The following PACS2 variants were observed in gnomAD, a reference collection of about 807,000 sequenced individuals.
PACS2 encodes the protein phosphofurin acidic cluster sorting protein 2.
In PACS2, 36 loss-of-function variants were observed where a neutral mutation model predicts 113.0. That is an observed-to-expected ratio of 0.32 (90% CI 0.24 to 0.42). The LOEUF (loss-of-function observed/expected upper bound fraction) is 0.42, where lower values mean the gene tolerates loss of function less well. Ranked by LOEUF, PACS2 falls within the 10% of genes least tolerant of loss-of-function variation. PACS2 has a pLI of 1.00. For synonymous variants in PACS2, 589 were observed against 536.1 expected (o/e 1.10, Z -1.36); for missense variants, 1,015 against 1,239.5 (o/e 0.82, Z 2.72).
intron 20 of PACS2, chr14:105,390,563 C>T (rs1227059847): frequency 1.2e-5 from 2 of 169,918 alleles, no homozygotes; most frequent in African/African-American, 4.8e-5. Context: ...GAGACAGACC[C>T]ACAGGGCCTG....
chr14:105,311,842 CTCAGCCTCA>C (rs1015492139), upstream of PACS2, among the ~76,000 whole-genome samples: 3 of 152,240 alleles, frequency 2.0e-5, no homozygotes, highest in African/African-American at 7.2e-5. Flanking sequence ...ACCATTCCTC[CTCAGCCTCA>C]GTCATGGCCA....
At chr14:105,311,804 A>G (rs1331742875), upstream of PACS2, among the ~76,000 whole-genome samples, 1 of 152,166 alleles carries the variant, frequency 6.6e-6, no homozygotes, top group African/African-American at 2.4e-5. Flanking sequence ...TGCCTCCAGG[A>G]GGAGGGCCCT....
intron 1 of PACS2, among the ~76,000 whole-genome samples, chr14:105,343,283 G>A (rs782245613): frequency 7.9e-5 from 12 of 152,202 alleles, no homozygotes; most frequent in Non-Finnish European, 1.6e-4. Flanking sequence ...GAAGGACATC[G>A]GGGTTTCCAG....
rs587723561 is a variant in PACS2 at position 105,392,935 on chromosome 14, C to T, written c.2482+90C>T. ...CGCAGTCAACAGGGATGACAGCCCC[C>T]GGGCTGGCCTCGGGCAGCCCACATG... On this transcript the variant is annotated intron_variant, in intron 23 of 24. Transcript: ENST00000447393. The T allele has an allele frequency of 3.8e-5, 41 of 1,075,574 alleles. No individual in the cohort carries two copies. In the East Asian group the frequency reaches 4.4e-4, roughly 11 times the overall value. The allele number at this position is 1,075,574 out of a possible 1,614,324, so 66.6% of individuals were successfully genotyped here.
At position 105,376,669 on chromosome 14, in the gene PACS2, C is replaced by T. The variant is rs1426028069; in HGVS notation, c.802-99C>T. 2.3e-5 allele frequency: 27 copies of T among 1,150,566 alleles called. No homozygotes were observed. The highest frequency in any genetic ancestry group is 2.9e-5 in the South Asian group (2 of 68,990). 71.3% of individuals were successfully genotyped at this position (1,150,566 alleles called of 1,614,324 possible). A position where few individuals can be genotyped will look rare whatever the true frequency, so the allele number is the denominator to read the frequency against. On this transcript the variant is annotated intron_variant, in intron 8 of 24. Coordinates refer to ENST00000447393, the MANE Select transcript of PACS2 (RefSeq NM_001100913.3). The surrounding 1 kb of genome is among the most constrained non-coding windows in gnomAD (Gnocchi z 4.7). Reference sequence around the variant, plus strand: ...TGGAGGGGTTTGGTGGCTGGGTGCCCGCCTCCTATTGCTCCTGCAGACTCT... The same window carrying T: ...TGGAGGGGTTTGGTGGCTGGGTGCCTGCCTCCTATTGCTCCTGCAGACTCT...
intron 1 of PACS2, among the ~76,000 whole-genome samples, chr14:105,331,843 C>T (rs958779280): frequency 6.6e-6 from 1 of 152,212 alleles, no homozygotes; most frequent in Non-Finnish European, 1.5e-5. Context: ...GAAGCTCTTT[C>T]AGTCTTTCAG....
intron 18 of PACS2, among the ~76,000 whole-genome samples, chr14:105,385,436 C>T (rs1273090795): frequency 2.0e-5 from 3 of 152,164 alleles, no homozygotes; most frequent in East Asian, 1.9e-4. Context: ...AGCCCCCGGC[C>T]GAAAGTCCTG....
At chr14:105,361,268 C>T (rs1465871522) in intron 4 of PACS2, among the ~76,000 whole-genome samples, 5 of 152,082 alleles carry the variant, frequency 3.3e-5, no homozygotes, top group South Asian at 2.1e-4. Flanking sequence ...CCAAGGTGGG[C>T]GGATCATTTG....
At chr14:105,307,144 A>G (rs1458389965) in intron 1 of PACS2, among the ~76,000 whole-genome samples, 1 of 151,556 alleles carries the variant, frequency 6.6e-6, no homozygotes, top group Non-Finnish European at 1.5e-5. Flanking sequence ...TGCTGGGCTC[A>G]AGAGATCCTT....
intron 13 of PACS2, 45 bp from the exon 14 acceptor site, chr14:105,382,432 C>T (rs782609548): frequency 2.8e-5 from 32 of 1,146,672 alleles, no homozygotes; most frequent in Non-Finnish European, 3.4e-5. Flanking sequence ...TGGGGATGGG[C>T]GCTGTGCTTC....
At chr14:105,327,470 G>A (rs2059159555) in intron 1 of PACS2, among the ~76,000 whole-genome samples, 2 of 152,338 alleles carry the variant, frequency 1.3e-5, no homozygotes, top group South Asian at 4.1e-4. Context: ...GGGCTGGGGT[G>A]GAGTTGTTCT....
rs2059282629 is a variant in PACS2 at position 105,330,855 on chromosome 14, T to A, written c.119+15818T>A. On this transcript the variant is annotated intron_variant, in intron 1 of 24. Transcript: ENST00000447393. This position sits in a 1 kb window ranked among gnomAD's most constrained non-coding sequence, Gnocchi z 6.9. ...TTCCCAATTCCATCTCTGTGCCAGC[T>A]GTGCCCCATGCAGCCTCTACCGGCA... is the stretch of plus-strand genomic sequence containing the variant. 6.6e-6 allele frequency among the ~76,000 whole-genome samples: 1 copy of A among 152,240 alleles called. No homozygotes were observed.
rs587660115 is a variant in PACS2, at chr14:105,335,047, G to A, written c.120-13446G>A. ...GGCCCCTGGGCCTTCGGGTGACTGA[G>A]ACAGAAGTACAGGCCCAGCAGGTCT... On this transcript the variant is annotated intron_variant, in intron 1 of 24. Coordinates refer to ENST00000447393, the MANE Select transcript of PACS2 (RefSeq NM_001100913.3). Among the ~76,000 whole-genome samples, 52 of 152,370 alleles carry A rather than the reference G, an allele frequency of 3.4e-4. 1 individual carries two copies. The highest frequency in any genetic ancestry group is 5.7e-4 in the Non-Finnish European group (39 of 68,034).
intron 4 of PACS2, among the ~76,000 whole-genome samples, chr14:105,360,404 C>T (rs963722096): frequency 3.3e-5 from 5 of 151,900 alleles, no homozygotes; most frequent in East Asian, 3.9e-4. Context: ...ATTAGCCGGG[C>T]GTCGTGGCTC....
rs1383725153 is a variant in PACS2, at chr14:105,324,522, G to T, written c.119+9485G>T. Reference sequence around the variant, plus strand: ...GCTGGGCCTGGCTGGCTCAGCAGCTGCTCTGAGAGGCAGCCCTAAAAATAG... The same window carrying T: ...GCTGGGCCTGGCTGGCTCAGCAGCTTCTCTGAGAGGCAGCCCTAAAAATAG... On this transcript the variant is annotated intron_variant, in intron 1 of 24. Transcript: ENST00000447393. The surrounding 1 kb of genome is among the most constrained non-coding windows in gnomAD (Gnocchi z 4.7). 6.6e-6 allele frequency among the ~76,000 whole-genome samples: 1 copy of T among 152,092 alleles called. No individual in the cohort carries two copies. Among genetic ancestry groups the T allele is most frequent in the South Asian group, 2.1e-4 (1 of 4,830 alleles).
At chr14:105,378,330 C>A (rs782726386) in intron 9 of PACS2, among the ~76,000 whole-genome samples, 1 of 152,242 alleles carries the variant, frequency 6.6e-6, no homozygotes, top group Non-Finnish European at 1.5e-5. Flanking sequence ...GCACACACAG[C>A]AGCAAGTTTC....
rs782227644 is a variant in PACS2 at position 105,368,498 on chromosome 14, A to G, written c.700A>G (p.Lys234Glu). ...CGACTTTGACGTGGGGAAGCCGAAG[A>G]AGCAGCGGAGATCGATTGTAAGAAC... ...EDDFDVGKPK[K>E]QRRSIVRTTS... The change falls in exon 7 of 25, where the codon AAG (lysine) becomes GAG (glutamate). Residue 234 changes from lysine to glutamate, a missense_variant. Lys to Glu is a moderately conservative substitution (Grantham distance 56, BLOSUM62 1). Coordinates refer to ENST00000447393, the MANE Select transcript of PACS2 (RefSeq NM_001100913.3). 3.7e-6 allele frequency: 6 copies of G among 1,614,108 alleles called. No individual in the cohort carries two copies. The South Asian group carries it at 6.6e-5, about 18-fold the overall frequency.
chr14:105,391,537 T>G, intron 21 of PACS2, 94 bp from the exon 22 acceptor site: 1 of 484,062 alleles, frequency 2.1e-6, no homozygotes, highest in Non-Finnish European at 3.6e-6. Context: ...CCCCAGGAGC[T>G]GCCTGGCCTG....
At chr14:105,391,542 G>T in intron 21 of PACS2, 89 bp from the exon 22 acceptor site, 1 of 881,164 alleles carries the variant, frequency 1.1e-6, no homozygotes, top group Non-Finnish European at 1.6e-6. Context: ...GGAGCTGCCT[G>T]GCCTGGCCAC....
Sources: allele counts gnomAD v4.1 joint callset (sites outside exome capture counted in the v4.1 genomes callset), GRCh38; gene constraint gnomAD v4.1.1; non-coding constraint Gnocchi (gnomAD v3.1); transcripts MANE v1.5; gene names NCBI Gene and HGNC (gene_info 2026-07-23, HGNC 2026-07-21).